PPP1R12A: variants seen among roughly 807,000 people sequenced by gnomAD.
PPP1R12A encodes myosin binding subunit.
A neutral mutation model predicts 139.6 loss-of-function variants in PPP1R12A; 19 were observed. The observed-to-expected ratio is 0.14, with a 90% CI of 0.09 to 0.20. The LOEUF (loss-of-function observed/expected upper bound fraction) is 0.20, where lower values mean the gene tolerates loss of function less well. Ranked by LOEUF, PPP1R12A falls within the 10% of genes least tolerant of loss-of-function variation. The pLI, the probability that PPP1R12A is intolerant of heterozygous loss-of-function variation, is 1.00. For synonymous variants in PPP1R12A, 427 were observed against 420.6 expected (o/e 1.02, Z -0.19); for missense variants, 925 against 1,211.5 (o/e 0.76, Z 3.51).
At chr12:79,919,481 G>T (rs1486682222) in intron 1 of PPP1R12A, among the ~76,000 whole-genome samples, 1 of 151,706 alleles carries the variant, frequency 6.6e-6, no homozygotes, top group African/African-American at 2.4e-5. Flanking sequence ...CTTGAACCTG[G>T]GAGGTGGAAG....
chr12:79,875,408 C>T (rs1005922306), intron 1 of PPP1R12A, among the ~76,000 whole-genome samples: 15 of 152,148 alleles, frequency 9.9e-5, no homozygotes, highest in African/African-American at 2.4e-4. Flanking sequence ...AGGTTTTTTC[C>T]GTCCTAATTC....
At chr12:79,778,635 A>AT in intron 23 of PPP1R12A, 35 bp from the exon 24 acceptor site, 12 of 1,361,442 alleles carry the variant, frequency 8.8e-6, no homozygotes, top group Non-Finnish European at 1.2e-5. Context: ...TTAGTTATAT[A>AT]ATTATTATAT....
intron 3 of PPP1R12A, among the ~76,000 whole-genome samples, chr12:79,843,611 A>T (rs970132782): frequency 2.2e-5 from 3 of 134,940 alleles, no homozygotes; most frequent in Admixed American, 7.7e-5. Context: ...CTCAAAAAAA[A>T]ATATAGATAT....
chr12:79,882,259 GA>G (rs765950222), intron 1 of PPP1R12A, among the ~76,000 whole-genome samples: 1 of 152,180 alleles, frequency 6.6e-6, no homozygotes, highest in Non-Finnish European at 1.5e-5. Flanking sequence ...AAACCTTTTG[GA>G]AAGAATTCAC....
chr12:79,849,543 G>A (rs1470632025), intron 2 of PPP1R12A, among the ~76,000 whole-genome samples: 1 of 152,190 alleles, frequency 6.6e-6, no homozygotes, highest in African/African-American at 2.4e-5. Flanking sequence ...GGTATTAGAA[G>A]CTACTTGTGT....
Position 79,868,685 on chromosome 12 carries a change from G to A in PPP1R12A, c.368+4123C>T, listed in dbSNP as rs117087288. On this transcript the variant is annotated intron_variant, in intron 2 of 24. Coordinates refer to ENST00000450142, the MANE Select transcript of PPP1R12A (RefSeq NM_002480.3). The stretch of plus-strand genomic sequence containing the variant: ...TATAAGAAAACCAGCCAGACTGGAT[G>A]AGAAACAACTCCATCAGCCTCATTT... 1.3e-3 allele frequency among the ~76,000 whole-genome samples: 191 copies of A among 152,220 alleles called. 4 individuals are homozygous for A. The East Asian group carries it at 0.036, about 28-fold the overall frequency.
intron 1 of PPP1R12A, among the ~76,000 whole-genome samples, chr12:79,924,698 G>C (rs1270872984): frequency 1.3e-5 from 2 of 152,184 alleles, no homozygotes; most frequent in South Asian, 4.2e-4. Flanking sequence ...CAAAGTGCTG[G>C]GATTACAGGC....
intron 1 of PPP1R12A, among the ~76,000 whole-genome samples, chr12:79,929,498 G>A (rs1267854090): frequency 6.6e-6 from 1 of 152,180 alleles, no homozygotes; most frequent in Non-Finnish European, 1.5e-5. Flanking sequence ...GGCCACAGTG[G>A]CTCACACCTG....
intron 1 of PPP1R12A, among the ~76,000 whole-genome samples, chr12:79,880,425 G>A (rs751476034): frequency 3.9e-5 from 6 of 152,160 alleles, no homozygotes; most frequent in Non-Finnish European, 7.3e-5. Flanking sequence ...GACAGTATCT[G>A]TAAGTTATAA....
chr12:79,797,530 A>T (rs949230850), intron 15 of PPP1R12A, 135 bp from the exon 16 acceptor site: 2 of 795,734 alleles, frequency 2.5e-6, no homozygotes, highest in African/African-American at 1.7e-5. Flanking sequence ...TTGCAAATGG[A>T]AACAGCAAGT....
chr12:79,890,901 C>CACACA (rs1565800207), intron 1 of PPP1R12A, among the ~76,000 whole-genome samples: 97 of 30,960 alleles, frequency 3.1e-3, no homozygotes, highest in African/African-American at 9.1e-3. Context: ...CCACCCACAC[C>CACACA]CACCCACACA....
chr12:79,817,769 T>A (rs755411291), intron 8 of PPP1R12A, among the ~76,000 whole-genome samples: 1 of 152,150 alleles, frequency 6.6e-6, no homozygotes, highest in Non-Finnish European at 1.5e-5. Flanking sequence ...ACAAATAGAA[T>A]CTGACTTCTG....
chr12:79,904,556 T>G (rs1430342154), intron 1 of PPP1R12A, among the ~76,000 whole-genome samples: 1 of 152,200 alleles, frequency 6.6e-6, no homozygotes, highest in Non-Finnish European at 1.5e-5. Flanking sequence ...TATTATCATT[T>G]AACAAGCTCT....
intron 4 of PPP1R12A, among the ~76,000 whole-genome samples, chr12:79,830,867 A>T (rs10219592): frequency 0.027 from 4,136 of 152,302 alleles, 165 homozygotes; most frequent in African/African-American, 0.091. Context: ...GGCACAATTC[A>T]TACTTTAGAG....
intron 2 of PPP1R12A, among the ~76,000 whole-genome samples, chr12:79,847,654 T>C (rs1311623201): frequency 2.0e-5 from 3 of 152,176 alleles, no homozygotes; most frequent in South Asian, 2.1e-4. Context: ...AAAAAGTTTA[T>C]AGTCTAGTAA....
intron 11 of PPP1R12A, among the ~76,000 whole-genome samples, chr12:79,808,243 T>C (rs1338894214): frequency 6.6e-6 from 1 of 152,080 alleles, no homozygotes; most frequent in African/African-American, 2.4e-5. Flanking sequence ...TTCATGACCT[T>C]ATCTCCTCCC....
At chr12:79,915,855 C>A (rs1886950049) in intron 1 of PPP1R12A, among the ~76,000 whole-genome samples, 1 of 151,980 alleles carries the variant, frequency 6.6e-6, no homozygotes, top group Non-Finnish European at 1.5e-5. Flanking sequence ...TATTAGTGAG[C>A]CTAATCCTGA....
chr12:79,893,894 G>GTA (rs1884892788), intron 1 of PPP1R12A, among the ~76,000 whole-genome samples: 1 of 152,152 alleles, frequency 6.6e-6, no homozygotes, highest in Non-Finnish European at 1.5e-5. Flanking sequence ...ACATACCAGA[G>GTA]TACAAGTAAG....
intron 19 of PPP1R12A, among the ~76,000 whole-genome samples, chr12:79,790,994 C>A (rs1871774474): frequency 6.6e-6 from 1 of 152,054 alleles, no homozygotes; most frequent in Non-Finnish European, 1.5e-5. Context: ...CTATTTTGGA[C>A]TAAAAATGTT....
Sources: gnomAD v4.1 joint callset for allele counts (sites outside exome capture counted in the v4.1 genomes callset) on GRCh38, gnomAD v4.1.1 for gene constraint, MANE v1.5 for transcripts, NCBI Gene and HGNC (gene_info 2026-07-23, HGNC 2026-07-21) for gene names.